Variants in SPEN observed in about 807,000 individuals in gnomAD.
SPEN encodes msx2-interacting protein.
SPEN carries 18 observed loss-of-function variants against 269.9 expected under a neutral mutation model. That is an observed-to-expected ratio of 0.07 (90% confidence interval 0.05 to 0.10). SPEN has a LOEUF of 0.10. Among genes scored for constraint, SPEN ranks in the 10% least tolerant of loss-of-function variants. The pLI, the probability that SPEN is intolerant of heterozygous loss-of-function variation, is 1.00. For missense variants in SPEN, 3,822 were observed against 4,631.2 expected (o/e 0.83, Z 5.07); for synonymous variants, 1,726 against 1,765.7 (o/e 0.98, Z 0.56).
At chr1:15,900,017 T>C (rs1172349804) in intron 3 of SPEN, among the ~76,000 whole-genome samples, 1 of 152,118 alleles carries the variant, frequency 6.6e-6, no homozygotes, top group African/African-American at 2.4e-5. Flanking sequence ...GGCTAATTTT[T>C]GTATTGTTAG....
chr1:15,918,442 C>G (rs969408376), intron 6 of SPEN, among the ~76,000 whole-genome samples: 1 of 152,210 alleles, frequency 6.6e-6, no homozygotes, highest in Non-Finnish European at 1.5e-5. Flanking sequence ...TGGTGTCGAA[C>G]TCCTGACCTC....
chr1:15,933,199 A>C lies in SPEN; in HGVS notation c.6959A>C (p.Glu2320Ala). ...HSVPEAKGSK[E>A]VEVTLVRKDK... The stretch of plus-strand genomic sequence containing the variant: ...GTGCCAGAAGCCAAAGGGTCTAAAG[A>C]AGTGGAAGTCACTCTTGTTCGGAAA... Residue 2320 changes from glutamate (E) to alanine (A), a missense_variant, in exon 11 of 15, where the codon GAA (glutamate) becomes GCA (alanine). By Grantham distance (107) the Glu-to-Ala change is moderately radical (BLOSUM62 -1). Coordinates refer to ENST00000375759, the MANE Select transcript of SPEN (RefSeq NM_015001.3). The surrounding 1 kb of genome is among the most constrained non-coding windows in gnomAD (Gnocchi z 5.7). The C allele has an allele frequency of 6.2e-7, 1 of 1,614,190 alleles. No homozygotes were observed. The highest frequency in any genetic ancestry group is 8.5e-7 in the Non-Finnish European group (1 of 1,180,024).
At chr1:15,891,769 C>T (rs2070791306) in intron 3 of SPEN, among the ~76,000 whole-genome samples, 1 of 151,922 alleles carries the variant, frequency 6.6e-6, no homozygotes, top group African/African-American at 2.4e-5. Context: ...GGATTACATG[C>T]ATGAGCCGCT....
intron 2 of SPEN, chr1:15,873,709 C>T (rs1250254582): frequency 1.0e-6 from 1 of 954,862 alleles, no homozygotes; most frequent in African/African-American, 2.2e-5. Flanking sequence ...AAGGCAATGC[C>T]TGATTTTTCC....
Position 15,849,591 on chromosome 1 carries a change from C to T in SPEN, c.83+1441C>T, listed in dbSNP as rs562057006. ...CTTCCAGGGACTCTCCCGGTGTTTA[C>T]TACGTCGTGCCTGAGAAACCAGGCG... On this transcript the variant is annotated intron_variant, in intron 1 of 14. Coordinates refer to ENST00000375759, the MANE Select transcript of SPEN (RefSeq NM_015001.3). 5.0e-4 allele frequency among the ~76,000 whole-genome samples: 76 copies of T among 151,660 alleles called. 1 individual carries two copies. The highest frequency in any genetic ancestry group is 1.7e-3 in the African/African-American group (69 of 41,310).
At position 15,939,352 on chromosome 1, in the gene SPEN, C is replaced by T. The variant is rs750324333; in HGVS notation, c.10920C>T (p.Ser3640=). Residue 3640 remains serine, a synonymous_variant, in exon 15 of 15, where the codon TCC becomes TCT. Transcript: ENST00000375759. The surrounding 1 kb of genome is among the most constrained non-coding windows in gnomAD (Gnocchi z 4.1). ...PPCEFSESHL[S]RLAPDLLASI... is the part of the protein sequence containing the mutation. ...GTGAGTTCTCTGAGAGTCACCTGTC[C>T]CGCCTGGCCCCTGACCTCCTTGCCA... 1.1e-4 allele frequency: 173 copies of T among 1,606,892 alleles called. No homozygotes were observed. The highest frequency in any genetic ancestry group is 1.5e-4 in the Non-Finnish European group (172 of 1,176,672).
At chr1:15,922,798 A>C (rs2071131994) in intron 10 of SPEN, among the ~76,000 whole-genome samples, 1 of 151,944 alleles carries the variant, frequency 6.6e-6, no homozygotes, top group African/African-American at 2.4e-5. Context: ...AATTTTTGTA[A>C]AGATGGGTTT....
In SPEN at chr1:15,929,193, A is replaced by G. The variant is rs1202005232; in HGVS notation, c.2953A>G (p.Lys985Glu). 6.2e-7 allele frequency: 1 copy of G among 1,614,242 alleles called. No individual in the cohort carries two copies. The highest frequency in any genetic ancestry group is 8.5e-7 in the Non-Finnish European group (1 of 1,180,046). Residue 985 changes from lysine (K) to glutamate (E), a missense_variant, in exon 11 of 15, where the codon AAA (lysine) becomes GAA (glutamate). Lys to Glu is a moderately conservative substitution (Grantham distance 56). This residue lies in a region of SPEN where 572 missense variants were observed against 582.6 expected (regional missense o/e 0.98). Coordinates refer to ENST00000375759, the MANE Select transcript of SPEN (RefSeq NM_015001.3). This position sits in a 1 kb window ranked among gnomAD's most constrained non-coding sequence, Gnocchi z 5.8. ...GGATCTGGAGAAGCTGGAAGCCAGG[A>G]AAAGGCGCTTTGCAGATTCCAATTT... ...AVDLEKLEAR[K>E]RRFADSNLKA... is the part of the protein sequence containing the mutation.
At chr1:15,875,007 G>T (rs16852052) in intron 2 of SPEN, among the ~76,000 whole-genome samples, 14,890 of 152,054 alleles carry the variant, frequency 0.098, 968 homozygotes, top group African/African-American at 0.18. Flanking sequence ...TTCTTCATTG[G>T]AGAGATTCTA....
chr1:15,898,351 A>G (rs187805698), intron 3 of SPEN, among the ~76,000 whole-genome samples: 1 of 152,068 alleles, frequency 6.6e-6, no homozygotes, highest in East Asian at 1.9e-4. Flanking sequence ...ATACCCATTA[A>G]ATAATAACTC....
chr1:15,914,571 T>A (rs1292897194), intron 5 of SPEN, among the ~76,000 whole-genome samples: 2 of 152,072 alleles, frequency 1.3e-5, no homozygotes, highest in African/African-American at 4.8e-5. Context: ...ACCTGTAATC[T>A]CAGCACTTTG....
At chr1:15,895,761 A>G (rs2070835979) in intron 3 of SPEN, among the ~76,000 whole-genome samples, 2 of 150,562 alleles carry the variant, frequency 1.3e-5, no homozygotes, top group African/African-American at 4.9e-5. Flanking sequence ...GCTCACTGCA[A>G]CCTCTGCCTC....
At chr1:15,927,839 ATTG>A (rs987589601) in intron 10 of SPEN, among the ~76,000 whole-genome samples, 15 of 152,178 alleles carry the variant, frequency 9.9e-5, no homozygotes, top group Admixed American at 5.9e-4. Flanking sequence ...ATCAGTCTAA[ATTG>A]TTGTTTTTCT....
At chr1:15,916,963 A>C (rs888171993) in intron 6 of SPEN, among the ~76,000 whole-genome samples, 1 of 152,144 alleles carries the variant, frequency 6.6e-6, no homozygotes, top group African/African-American at 2.4e-5. Flanking sequence ...CCCTGTCTCT[A>C]TAAAAATACA....
chr1:15,876,110 C>CA, intron 2 of SPEN, 92 bp from the exon 3 acceptor site: 1 of 984,594 alleles, frequency 1.0e-6, no homozygotes. Flanking sequence ...GTTGCAAAGA[C>CA]AAAGACAATG....
chr1:15,925,094 C>T (rs2071153821), intron 10 of SPEN, among the ~76,000 whole-genome samples: 1 of 152,180 alleles, frequency 6.6e-6, no homozygotes, highest in Non-Finnish European at 1.5e-5. Context: ...AGGGCTTTCC[C>T]ATTTTCCAAT....
intron 3 of SPEN, among the ~76,000 whole-genome samples, chr1:15,904,395 G>A (rs910161593): frequency 1.4e-4 from 20 of 144,312 alleles, no homozygotes; most frequent in Non-Finnish European, 6.0e-5. Context: ...GAACCTGGAA[G>A]GTGGAGGTTG....
Position 15,930,981 on chromosome 1 carries a change from G to A in SPEN, c.4741G>A (p.Val1581Ile). 6.2e-7 allele frequency: 1 copy of A among 1,614,198 alleles called. No homozygotes were observed. The highest frequency in any genetic ancestry group is 8.5e-7 in the Non-Finnish European group (1 of 1,180,054). Residue 1581 changes from valine (V) to isoleucine (I), a missense_variant, in exon 11 of 15, where the codon GTT becomes ATT. Val to Ile is a conservative substitution (Grantham distance 29, BLOSUM62 3). This residue lies in a region of SPEN where 533 missense variants were observed against 618.8 expected (regional missense o/e 0.86). Transcript: ENST00000375759. The surrounding 1 kb of genome is among the most constrained non-coding windows in gnomAD (Gnocchi z 5.3). ...AACTGATTCCATTCAAGAACCAGTA[G>A]TTCTGTTCCATAGCAGATTTATGGA... is the stretch of plus-strand genomic sequence containing the variant. ...STTDSIQEPV[V>I]LFHSRFMELT...
chr1:15,901,513 C>T (rs1489961760), intron 3 of SPEN, among the ~76,000 whole-genome samples: 1 of 151,208 alleles, frequency 6.6e-6, no homozygotes, highest in Non-Finnish European at 1.5e-5. Context: ...CGTGGTGGTT[C>T]ATACGTGTGG....
Sources: gnomAD v4.1 joint callset for allele counts (sites outside exome capture counted in the v4.1 genomes callset) on GRCh38, gnomAD v4.1.1 for gene constraint, gnomAD v4.1.1 regional missense constraint, Gnocchi (gnomAD v3.1) non-coding constraint, MANE v1.5 for transcripts, NCBI Gene and HGNC (gene_info 2026-07-23, HGNC 2026-07-21) for gene names.